CRTC2: variants seen among roughly 807,000 people sequenced by gnomAD.
CRTC2 encodes the protein CREB-regulated transcription coactivator 2.
Under a neutral mutation model 70.9 loss-of-function variants are expected in CRTC2, and 25 were observed. The observed-to-expected ratio is 0.35, with a 90% CI of 0.26 to 0.49. The LOEUF (loss-of-function observed/expected upper bound fraction) is 0.49. Among genes scored for constraint, CRTC2 ranks in the 20% least tolerant of loss-of-function variants. The probability of loss-of-function intolerance (pLI) is 0.98; values close to 1 mark genes in which losing one functional copy is unlikely to be tolerated. For missense variants in CRTC2, 737 were observed against 882.6 expected (o/e 0.83, Z 2.09); for synonymous variants, 330 against 364.1 (o/e 0.91, Z 1.07).
In CRTC2 at chr1:153,952,652, T is replaced by G; in HGVS notation, c.638-17A>C. 1 of 1,613,990 alleles carries G rather than the reference T, an allele frequency of 6.2e-7. No individual in the cohort carries two copies. The highest frequency in any genetic ancestry group is 1.1e-5 in the South Asian group (1 of 91,082). On this transcript the variant is annotated splice_polypyrimidine_tract_variant and intron_variant, in intron 7 of 13. Coordinates refer to ENST00000368633, the MANE Select transcript of CRTC2 (RefSeq NM_181715.3). ...TAGCAGGTACTTGAAAGAGAAAGAC[T>G]GGTGATGGGAGAGTTGGAGAAAGAG...
chr1:153,953,423 A>G, intron 5 of CRTC2, 54 bp from the exon 6 acceptor site: 3 of 1,522,392 alleles, frequency 2.0e-6, no homozygotes, highest in East Asian at 2.3e-5. Context: ...CTGGTCCCTA[A>G]GCCCTGCCCA....
At position 153,949,392 on chromosome 1, in the gene CRTC2, G is replaced by T. The variant is rs573568402; in HGVS notation, c.1405-8C>A. The T allele has an allele frequency of 3.2e-5, 51 of 1,596,406 alleles. No individual in the cohort carries two copies. The Admixed American group carries it at 8.2e-4, about 26-fold the overall frequency. The stretch of plus-strand genomic sequence containing the variant: ...GGTATCCAGGGGGACGCCCTGAAAA[G>T]AAGTAAAAAGAGGGAAGCTTACTGC... On this transcript the variant is annotated splice_region_variant and splice_polypyrimidine_tract_variant and intron_variant, in intron 11 of 13. Transcript: ENST00000368633.
At chr1:153,954,109 C>A in intron 4 of CRTC2, 146 bp downstream of exon 4, 1 of 677,228 alleles carries the variant, frequency 1.5e-6, no homozygotes. Context: ...CTCCAACTGT[C>A]TCCACCTCTC....
chr1:153,947,793 C>T lies in CRTC2; in HGVS notation c.*316G>A. ...TGAGGAGGGGCTGGCACTGCCCACC[C>T]CTAGGCATCCGGAAAAGCCCTGCTT... On this transcript the variant is annotated 3_prime_UTR_variant, in exon 14 of 14. Transcript: ENST00000368633. 2.5e-6 allele frequency: 1 copy of T among 405,200 alleles called. No individual in the cohort carries two copies. The highest frequency in any genetic ancestry group is 4.6e-6 in the Non-Finnish European group (1 of 217,226). 25.1% of individuals were successfully genotyped at this position (405,200 alleles called of 1,614,324 possible).
At chr1:153,948,703 C>A in intron 12 of CRTC2, 59 bp from the exon 13 acceptor site, 2 of 1,553,602 alleles carry the variant, frequency 1.3e-6, no homozygotes, top group South Asian at 1.2e-5. Context: ...TCCTGCCTAG[C>A]CCTGCTAACA....
In CRTC2 at chr1:153,953,297, T is replaced by C; in HGVS notation, c.576A>G (p.Thr192=). The C allele has an allele frequency of 6.3e-7, 1 of 1,593,788 alleles. No individual in the cohort carries two copies. The highest frequency in any genetic ancestry group is 8.5e-7 in the Non-Finnish European group (1 of 1,173,416). Residue 192 remains threonine (T), a synonymous_variant, in exon 6 of 14, where the codon ACA becomes ACG. Coordinates refer to ENST00000368633, the MANE Select transcript of CRTC2 (RefSeq NM_181715.3). ...PSPQDTYPGP[T]PPSILPSRRG... ...GTCGGCTGGGCAGGATGCTGGGAGG[T>C]GTGGGGCCTGGGTAGGTATCCTGGG...
Position 153,948,219 on chromosome 1 carries a change from G to T in CRTC2, c.1972C>A (p.Leu658Met), listed in dbSNP as rs1680118058. 8 of 1,614,128 alleles carry T rather than the reference G, an allele frequency of 5.0e-6. No individual in the cohort carries two copies. The highest frequency in any genetic ancestry group is 6.8e-6 in the Non-Finnish European group (8 of 1,180,052). ...TCCAGGCCCAGTGGCTCCATGCGCA[G>T]CTCATCTTCTAGCCCAAGCCCTAGC... is the stretch of plus-strand genomic sequence containing the variant. ...LELGLGLEDELRMEPLGLEGL... is the reference protein window; with the variant it reads ...LELGLGLEDEMRMEPLGLEGL... Residue 658 changes from leucine to methionine, a missense_variant, in exon 14 of 14, where the codon CTG becomes ATG. Physicochemically the swap from Leu to Met is conservative, Grantham distance 15 (BLOSUM62 2). Around this residue, in one of 3 missense-constraint regions of CRTC2, gnomAD observed 699 missense variants for 823.7 expected, o/e 0.85. Transcript: ENST00000368633.
rs996053568 is a variant in CRTC2 at position 153,949,207 on chromosome 1, G to C, written c.1582C>G (p.Gln528Glu). Residue 528 changes from glutamine to glutamate, a missense_variant, in exon 12 of 14, where the codon CAG becomes GAG. Gln to Glu is a conservative substitution (Grantham distance 29). Coordinates refer to ENST00000368633, the MANE Select transcript of CRTC2 (RefSeq NM_181715.3). ...GGGTACGGTGTCCCATAATGAGACT[G>C]CCTGCCTGGGGGCTGCCCACCTGAG... ...QSSGGQPPGR[Q>E]SHYGTPYPPG... 5 of 1,613,988 alleles carry C rather than the reference G, an allele frequency of 3.1e-6. No individual in the cohort carries two copies. The African/African-American group carries it at 6.7e-5, about 22-fold the overall frequency.
chr1:153,951,297 G>A lies in CRTC2; in HGVS notation c.1367C>T (p.Ser456Leu), dbSNP rs754577717. ...AGACAAGGTGGGTGACATTGTTGGC[G>A]AAAACTGTTTGGGCAGCTGCTGTTG... ...RSQQQLPKQF[S>L]PTMSPTLSSI... Residue 456 changes from serine to leucine, a missense_variant, in exon 11 of 14, where the codon TCG becomes TTG. By Grantham distance (145) the Ser-to-Leu change is moderately radical. This residue lies in a region of CRTC2 where 699 missense variants were observed against 823.7 expected (regional missense o/e 0.85). Coordinates refer to ENST00000368633, the MANE Select transcript of CRTC2 (RefSeq NM_181715.3). 4.3e-6 allele frequency: 7 copies of A among 1,614,030 alleles called. No homozygotes were observed. Among genetic ancestry groups the A allele is most frequent in the Admixed American group, 1.7e-5 (1 of 59,996 alleles).
intron 3 of CRTC2, 85 bp from the exon 4 acceptor site, chr1:153,954,401 G>T: frequency 1.1e-6 from 1 of 930,290 alleles, no homozygotes; most frequent in Non-Finnish European, 1.7e-6. Context: ...CAGCAGATAA[G>T]TTGTTTCAAG....
chr1:153,951,736 A>C, intron 10 of CRTC2, 70 bp from the exon 11 acceptor site: 7 of 1,507,934 alleles, frequency 4.6e-6, no homozygotes, highest in Non-Finnish European at 6.4e-6. Flanking sequence ...TCCACCCAGA[A>C]TGGGTGGCAG....
At chr1:153,953,632 G>A (rs367558262) in intron 4 of CRTC2, 26 bp from the exon 5 acceptor site, 32 of 1,570,816 alleles carry the variant, frequency 2.0e-5, no homozygotes, top group African/African-American at 6.8e-5. Context: ...AAAGTCATGA[G>A]GAGGAAGGCT....
intron 11 of CRTC2, 56 bp from the exon 12 acceptor site, chr1:153,949,440 TCA>T (rs1680206272): frequency 3.3e-6 from 5 of 1,508,392 alleles, no homozygotes; most frequent in Non-Finnish European, 4.4e-6. Context: ...CCAAGAACTC[TCA>T]GTCAGAGCTT....
chr1:153,948,801 G>A (rs930138981), intron 12 of CRTC2, 157 bp from the exon 13 acceptor site: 7 of 871,346 alleles, frequency 8.0e-6, no homozygotes, highest in African/African-American at 1.7e-5. Flanking sequence ...ACAGAAGCGA[G>A]CACGGGGCCC....
chr1:153,948,818 A>C, intron 12 of CRTC2, 174 bp from the exon 13 acceptor site: 1 of 791,212 alleles, frequency 1.3e-6, no homozygotes, highest in Non-Finnish European at 2.1e-6. Flanking sequence ...GCCCGAAGTA[A>C]GTATGGGCAC....
At chr1:153,958,195 G>C in intron 1 of CRTC2, 150 bp downstream of exon 1, 1 of 1,427,802 alleles carries the variant, frequency 7.0e-7, no homozygotes, top group South Asian at 1.5e-5. Context: ...CCTGCCCCTC[G>C]GCCCTCAACC....
chr1:153,951,696 C>G, intron 10 of CRTC2, 30 bp from the exon 11 acceptor site: 1 of 1,608,140 alleles, frequency 6.2e-7, no homozygotes, highest in Non-Finnish European at 8.5e-7. Context: ...ACCAGAGATG[C>G]CAACATTACT....
rs745339619 is a variant in CRTC2 at position 153,949,256 on chromosome 1, G to A, written c.1533C>T (p.Pro511=). 1.2e-6 allele frequency: 2 copies of A among 1,614,128 alleles called. No individual in the cohort carries two copies. The highest frequency in any genetic ancestry group is 1.7e-6 in the Non-Finnish European group (2 of 1,180,030). The change falls in exon 12 of 14, where the codon CCC becomes CCT. Residue 511 remains proline (P), a synonymous_variant. Coordinates refer to ENST00000368633, the MANE Select transcript of CRTC2 (RefSeq NM_181715.3). ...AGGACTGCACTGAACAAGACTGAGAGGGCAGCCCTGGCTGCTGTAGAGACT... is the reference window on the plus strand; with the variant it reads ...AGGACTGCACTGAACAAGACTGAGAAGGCAGCCCTGGCTGCTGTAGAGACT... ...TPKSLQQPGL[P]SQSCSVQSSG... is the part of the protein sequence containing the mutation.
At chr1:153,953,445 C>T (rs1484124247) in intron 5 of CRTC2, 76 bp from the exon 6 acceptor site, 2 of 1,519,748 alleles carry the variant, frequency 1.3e-6, no homozygotes, top group Non-Finnish European at 1.8e-6. Context: ...CAAGGGAAAA[C>T]ACTAGCTGGT....
Sources: gnomAD v4.1 joint callset for allele counts on GRCh38, gnomAD v4.1.1 for gene constraint, gnomAD v4.1.1 regional missense constraint, MANE v1.5 for transcripts, NCBI Gene and HGNC (gene_info 2026-07-23, HGNC 2026-07-21) for gene names.